TBCK: variants seen among roughly 807,000 people sequenced by gnomAD.
TBCK encodes the protein TBC1 domain containing kinase, also known as TBC domain-containing protein kinase-like protein.
A neutral mutation model predicts 113.4 loss-of-function variants in TBCK; 99 were observed. That is an observed-to-expected ratio of 0.87 (90% CI 0.74 to 1.03). The LOEUF (loss-of-function observed/expected upper bound fraction) is 1.03, where lower values mean the gene tolerates loss of function less well. Ranked by LOEUF, TBCK falls within the 50% of genes least tolerant of loss-of-function variation. The probability of loss-of-function intolerance (pLI) is 0.00; values close to 1 mark genes in which losing one functional copy is unlikely to be tolerated. For missense variants in TBCK, 1,045 were observed against 1,061.3 expected (o/e 0.98, Z 0.21); for synonymous variants, 369 against 370.8 (o/e 1.00, Z 0.05).
intron 22 of TBCK, among the ~76,000 whole-genome samples, chr4:106,173,551 T>C (rs1268542785): frequency 6.6e-6 from 1 of 152,120 alleles, no homozygotes; most frequent in Non-Finnish European, 1.5e-5. Flanking sequence ...AAGGTTGTAG[T>C]GCAGTCCTTC....
chr4:106,055,884 TTGTC>T (rs1372475395), intron 25 of TBCK, among the ~76,000 whole-genome samples: 1 of 151,590 alleles, frequency 6.6e-6, no homozygotes, highest in Non-Finnish European at 1.5e-5. Flanking sequence ...CACCTGGAAT[TTGTC>T]TTTCTTTCTA....
intron 22 of TBCK, among the ~76,000 whole-genome samples, chr4:106,177,900 C>T (rs1453199166): frequency 6.6e-6 from 1 of 151,934 alleles, no homozygotes; most frequent in African/African-American, 2.4e-5. Context: ...TACATTGAAC[C>T]TGTAGATCAC....
intron 19 of TBCK, among the ~76,000 whole-genome samples, chr4:106,214,805 A>C (rs1284595520): frequency 6.6e-6 from 1 of 151,732 alleles, no homozygotes; most frequent in Non-Finnish European, 1.5e-5. Flanking sequence ...GATATTATCC[A>C]GGAGAATTTC....
At chr4:106,243,024 C>T (rs1760350469) in intron 11 of TBCK, among the ~76,000 whole-genome samples, 1 of 151,842 alleles carries the variant, frequency 6.6e-6, no homozygotes, top group Non-Finnish European at 1.5e-5. Flanking sequence ...CATCCATGTC[C>T]CTACAAAGGA....
chr4:106,156,668 T>C (rs544331388), intron 23 of TBCK, among the ~76,000 whole-genome samples: 1 of 152,060 alleles, frequency 6.6e-6, no homozygotes. Flanking sequence ...CCATGGAGAG[T>C]ATTGCTAGGC....
intron 7 of TBCK, among the ~76,000 whole-genome samples, chr4:106,249,449 G>A (rs1761193097): frequency 6.6e-6 from 1 of 152,132 alleles, no homozygotes; most frequent in Admixed American, 6.6e-5. Flanking sequence ...GGTTCTGTGG[G>A]GCTGACTGTG....
intron 2 of TBCK, among the ~76,000 whole-genome samples, chr4:106,301,827 G>C (rs1766978859): frequency 6.6e-6 from 1 of 152,074 alleles, no homozygotes; most frequent in Non-Finnish European, 1.5e-5. Flanking sequence ...AATAAAAGAG[G>C]AAAAGTAGAA....
chr4:106,180,080 A>G (rs1752162733), intron 22 of TBCK, among the ~76,000 whole-genome samples: 1 of 151,860 alleles, frequency 6.6e-6, no homozygotes, highest in Non-Finnish European at 1.5e-5. Flanking sequence ...TAGTTTCTGA[A>G]TCTTCTCTCA....
chr4:106,250,320 T>C (rs1761287320), intron 7 of TBCK, 98 bp downstream of exon 7: 1 of 767,724 alleles, frequency 1.3e-6, no homozygotes, highest in Non-Finnish European at 2.1e-6. Flanking sequence ...GATATTTCAG[T>C]GTACTCACTA....
At chr4:106,137,412 G>C (rs542997199) in intron 23 of TBCK, among the ~76,000 whole-genome samples, 1 of 139,760 alleles carries the variant, frequency 7.2e-6, no homozygotes, top group African/African-American at 2.5e-5. Flanking sequence ...TTTCATAGTG[G>C]TAGGTATTTC....
At chr4:106,316,415 C>T, upstream of TBCK, 2 of 831,848 alleles carry the variant, frequency 2.4e-6, no homozygotes, top group South Asian at 3.1e-5. Flanking sequence ...CGTGGTATGG[C>T]AGGTTAATGG....
intron 23 of TBCK, among the ~76,000 whole-genome samples, chr4:106,167,671 T>C (rs1750550312): frequency 6.6e-6 from 1 of 151,394 alleles, no homozygotes; most frequent in Admixed American, 6.6e-5. Context: ...ATAGCAGAAA[T>C]GAAAGAGATC....
At chr4:106,283,540 A>T (rs541834439) in intron 3 of TBCK, among the ~76,000 whole-genome samples, 1 of 152,238 alleles carries the variant, frequency 6.6e-6, no homozygotes, top group African/African-American at 2.4e-5. Flanking sequence ...GCAAAAAGAC[A>T]TTTCAGTTTT....
At chr4:106,223,376 G>T (rs1219093985) in intron 19 of TBCK, among the ~76,000 whole-genome samples, 1 of 152,054 alleles carries the variant, frequency 6.6e-6, no homozygotes, top group Non-Finnish European at 1.5e-5. Flanking sequence ...CTCCTTCCAA[G>T]AGTTACTGAA....
intron 24 of TBCK, among the ~76,000 whole-genome samples, chr4:106,112,070 A>C (rs1333859827): frequency 6.6e-6 from 1 of 151,762 alleles, no homozygotes; most frequent in African/African-American, 2.4e-5. Flanking sequence ...CCCACTAAAC[A>C]CTCCCCTACA....
chr4:106,240,694 T>C (rs536737859), intron 12 of TBCK, among the ~76,000 whole-genome samples: 17 of 152,146 alleles, frequency 1.1e-4, no homozygotes, highest in African/African-American at 3.4e-4. Flanking sequence ...CATTTTACTA[T>C]ATGAAAATTT....
intron 20 of TBCK, among the ~76,000 whole-genome samples, chr4:106,198,233 T>C (rs1754482628): frequency 6.6e-6 from 1 of 152,162 alleles, no homozygotes; most frequent in African/African-American, 2.4e-5. Flanking sequence ...TCTTCGTTTT[T>C]GAAATAGGAA....
chr4:106,059,146 G>A (rs1029380478), intron 25 of TBCK, among the ~76,000 whole-genome samples: 1 of 151,686 alleles, frequency 6.6e-6, no homozygotes, highest in African/African-American at 2.4e-5. Context: ...TCAGCTGTGG[G>A]ATCTTGGCCA....
chr4:106,237,620 G>C, intron 12 of TBCK: 1 of 422,854 alleles, frequency 2.4e-6, no homozygotes, highest in Non-Finnish European at 4.8e-6. Flanking sequence ...GTGCACCCAT[G>C]TGAGTTATTC....
Sources: gnomAD v4.1 joint callset for allele counts (sites outside exome capture counted in the v4.1 genomes callset) on GRCh38, gnomAD v4.1.1 for gene constraint, MANE v1.5 for transcripts, NCBI Gene and HGNC (gene_info 2026-07-23, HGNC 2026-07-21) for gene names.